WDR4: variants seen among roughly 807,000 people sequenced by gnomAD.
The protein encoded by WDR4 is tRNA (guanine-N(7)-)-methyltransferase non-catalytic subunit WDR4.
A neutral mutation model predicts 48.6 loss-of-function variants in WDR4; 47 were observed. The ratio of observed to expected loss-of-function variants is 0.97; its 90% confidence interval spans 0.77 to 1.23. WDR4 has a LOEUF of 1.23. Among genes scored for constraint, WDR4 ranks in the 50% most tolerant of loss-of-function variants. The pLI, the probability that WDR4 is intolerant of heterozygous loss-of-function variation, is 0.00. For synonymous variants in WDR4, 268 were observed against 230.0 expected (o/e 1.17, Z -1.49); for missense variants, 606 against 551.6 (o/e 1.10, Z -0.99).
chr21:42,868,092 C>A lies in WDR4; in HGVS notation c.297-4496G>T, dbSNP rs138117698. Among the ~76,000 whole-genome samples, 328 of 152,336 alleles carry A rather than the reference C, an allele frequency of 2.2e-3. 2 individuals are homozygous for A. The South Asian group carries it at 0.032, about 15-fold the overall frequency. On this transcript the variant is annotated intron_variant, in intron 3 of 10. Transcript: ENST00000398208. Reference sequence around the variant, plus strand: ...CCTCCAAGAAGCCAACTGCCACAGGCAACCACATTGAGTGGAGAGAATTCT... The same window carrying A: ...CCTCCAAGAAGCCAACTGCCACAGGAAACCACATTGAGTGGAGAGAATTCT...
upstream of WDR4, chr21:42,879,604 G>C (rs373733965): frequency 1.5e-4 from 210 of 1,357,198 alleles, 2 homozygotes; most frequent in South Asian, 1.8e-3. Flanking sequence ...TATACCCCAC[G>C]TACCGCGCAT....
chr21:42,866,615 C>T (rs1438447600), intron 3 of WDR4, among the ~76,000 whole-genome samples: 2 of 152,070 alleles, frequency 1.3e-5, no homozygotes, highest in Admixed American at 1.3e-4. Context: ...CAGGGTGCTG[C>T]CTGCCAGCTC....
At chr21:42,845,798 C>T (rs141358322), downstream of WDR4, among the ~76,000 whole-genome samples, 48 of 152,316 alleles carry the variant, frequency 3.2e-4, no homozygotes, top group African/African-American at 1.1e-3. Context: ...CAATTCCACG[C>T]GCAAGTACAC....
intron 3 of WDR4, among the ~76,000 whole-genome samples, chr21:42,868,394 G>A (rs1355388879): frequency 6.6e-6 from 1 of 152,202 alleles, no homozygotes; most frequent in Non-Finnish European, 1.5e-5. Context: ...GAACTTCACA[G>A]CCGCAGCACT....
rs1294543580 is a variant in WDR4, at chr21:42,863,614, C to T, written c.297-18G>A. Reference sequence around the variant, plus strand: ...CCACGGTCCTAGAAGGCCAGAAAGACACCCCCATTAGCTTCCAGGAGCAGC... The same window carrying T: ...CCACGGTCCTAGAAGGCCAGAAAGATACCCCCATTAGCTTCCAGGAGCAGC... On this transcript the variant is annotated intron_variant, in intron 3 of 10. Transcript: ENST00000398208. 2 of 1,607,586 alleles carry T rather than the reference C, an allele frequency of 1.2e-6. No homozygotes were observed. Among genetic ancestry groups the T allele is most frequent in the Admixed American group, 1.7e-5 (1 of 59,336 alleles).
intron 7 of WDR4, 81 bp downstream of exon 7, chr21:42,855,601 G>C: frequency 9.1e-7 from 1 of 1,100,644 alleles, no homozygotes. Context: ...TTCCAACGGC[G>C]AAGTGACTTT....
At position 42,853,653 on chromosome 21, in the gene WDR4, G is replaced by A. The variant is rs61729406; in HGVS notation, c.891C>T (p.Phe297=). Residue 297 remains phenylalanine, a synonymous_variant, in exon 9 of 11, where the codon TTC becomes TTT. Coordinates refer to ENST00000398208, the MANE Select transcript of WDR4 (RefSeq NM_018669.6). ...AFQHQVWDVA[F]EETQGLWVLQ... Reference sequence around the variant, plus strand: ...GCACCCACAGCCCCTGGGTCTCCTCGAAAGCCACGTCCCACACTTGGTGCT... The same window carrying A: ...GCACCCACAGCCCCTGGGTCTCCTCAAAAGCCACGTCCCACACTTGGTGCT... 7.6e-3 allele frequency: 12,105 copies of A among 1,601,238 alleles called. 654 individuals carry two copies. In the African/African-American group the frequency reaches 0.13, roughly 17 times the overall value.
the WDR4 span, among the ~76,000 whole-genome samples, chr21:42,890,008 G>A: frequency 6.6e-6 from 1 of 152,024 alleles, no homozygotes; most frequent in South Asian, 2.1e-4. Context: ...CTTGAGCCCT[G>A]GAGTTTGAAA....
Position 42,854,582 on chromosome 21 carries a change from G to A in WDR4, c.771C>T (p.Cys257=), listed in dbSNP as rs1431018438. 2.5e-6 allele frequency: 4 copies of A among 1,613,794 alleles called. No homozygotes were observed. The highest frequency in any genetic ancestry group is 2.2e-5 in the East Asian group (1 of 44,872). ...SRIAFWCQEN[C]VALLCDGTPV... ...CTTACCCGTCGCACAGGAGCGCCAC[G>A]CAGTTCTCCTGGCACCAGAATGCAA... The change falls in exon 8 of 11, where the codon TGC becomes TGT. Residue 257 remains cysteine (C), a synonymous_variant. Coordinates refer to ENST00000398208, the MANE Select transcript of WDR4 (RefSeq NM_018669.6).
upstream of WDR4, among the ~76,000 whole-genome samples, chr21:42,882,768 G>A (rs186782522): frequency 3.3e-3 from 495 of 152,178 alleles, 1 homozygote; most frequent in Middle Eastern, 0.01. Context: ...TTTGAGACCA[G>A]CCTGGCCAAC....
chr21:42,861,246 A>G (rs530542413), intron 5 of WDR4, among the ~76,000 whole-genome samples: 429 of 149,694 alleles, frequency 2.9e-3, no homozygotes, highest in African/African-American at 0.01. Flanking sequence ...CCTGGAAGGC[A>G]GAGGTTGCAG....
downstream of WDR4, among the ~76,000 whole-genome samples, chr21:42,847,232 G>A (rs1417355881): frequency 1.3e-5 from 2 of 152,202 alleles, no homozygotes; most frequent in African/African-American, 2.4e-5. Flanking sequence ...ACCCAGTTGC[G>A]AGGCAGTCAC....
chr21:42,850,166 C>A lies in WDR4; in HGVS notation c.1122G>T (p.Lys374Asn), dbSNP rs368777100. The change falls in exon 11 of 11, where the codon AAG (lysine) becomes AAT (asparagine). Residue 374 changes from lysine to asparagine, a missense_variant. Lys to Asn is a moderately conservative substitution (Grantham distance 94, BLOSUM62 0). Transcript: ENST00000398208. ...TFDNVTSYLK[K>N]KEERLQQQLE... Reference sequence around the variant, plus strand: ...GCTGCTGCTGCAGTCTCTCCTCTTTCTTCTTCAGGTAGGAGGTCACGTTGT... The same window carrying A: ...GCTGCTGCTGCAGTCTCTCCTCTTTATTCTTCAGGTAGGAGGTCACGTTGT... The A allele has an allele frequency of 3.7e-6, 6 of 1,614,006 alleles. No individual in the cohort carries two copies. Among genetic ancestry groups the A allele is most frequent in the Admixed American group, 3.3e-5 (2 of 59,994 alleles).
downstream of WDR4, among the ~76,000 whole-genome samples, chr21:42,848,408 G>A (rs142351394): frequency 8.2e-3 from 1,164 of 142,090 alleles, 36 homozygotes; most frequent in African/African-American, 0.029. Context: ...ATCACGCGGC[G>A]CGCACCTCAC....
the WDR4 span, among the ~76,000 whole-genome samples, chr21:42,891,246 C>A: frequency 3.3e-5 from 5 of 151,454 alleles, no homozygotes; most frequent in African/African-American, 1.2e-4. Context: ...CACTTGAACC[C>A]AGGAGGCGGA....
intron 9 of WDR4, among the ~76,000 whole-genome samples, chr21:42,852,745 G>A (rs464529): frequency 0.057 from 8,599 of 152,090 alleles, 274 homozygotes; most frequent in South Asian, 0.091. Context: ...GAGAAACCCC[G>A]TCTCTACTAA....
chr21:42,861,486 G>A (rs1047532744), intron 5 of WDR4, among the ~76,000 whole-genome samples: 1 of 152,186 alleles, frequency 6.6e-6, no homozygotes, highest in Non-Finnish European at 1.5e-5. Flanking sequence ...TCCCTCACGT[G>A]CCTGGCGAGG....
At chr21:42,861,949 C>T (rs1224687383) in intron 5 of WDR4, among the ~76,000 whole-genome samples, 1 of 152,166 alleles carries the variant, frequency 6.6e-6, no homozygotes, top group Non-Finnish European at 1.5e-5. Flanking sequence ...TCGCCCCCAA[C>T]ACCCCCACCA....
intron 3 of WDR4, among the ~76,000 whole-genome samples, chr21:42,864,883 G>A (rs2058213579): frequency 6.6e-6 from 1 of 152,074 alleles, no homozygotes; most frequent in Admixed American, 6.5e-5. Context: ...TTAGCCACAG[G>A]GCCTCACTAC....
Sources: allele counts gnomAD v4.1 joint callset (sites outside exome capture counted in the v4.1 genomes callset), GRCh38; gene constraint gnomAD v4.1.1; transcripts MANE v1.5; gene names NCBI Gene and HGNC (gene_info 2026-07-23, HGNC 2026-07-21).